The following DLG2 variants were observed in gnomAD, a reference collection of about 807,000 sequenced individuals.
The protein encoded by DLG2 is disks large homolog 2.
DLG2 carries 45 observed loss-of-function variants against 132.5 expected under a neutral mutation model. The ratio of observed to expected loss-of-function variants is 0.34; its 90% CI spans 0.27 to 0.44. The LOEUF is 0.44. DLG2 is among the 20% of genes least tolerant of loss of function. The pLI, the probability that DLG2 is intolerant of heterozygous loss-of-function variation, is 1.00. For synonymous variants in DLG2, 424 were observed against 419.6 expected (o/e 1.01, Z -0.13); for missense variants, 1,045 against 1,196.9 (o/e 0.87, Z 1.87).
At chr11:83,591,914 A>G (rs1319044141) in intron 19 of DLG2, among the ~76,000 whole-genome samples, 119 of 142,340 alleles carry the variant, frequency 8.4e-4, no homozygotes, top group African/African-American at 3.0e-3. Flanking sequence ...AGAATAAAAT[A>G]CCTAGGAATC....
chr11:83,941,640 G>C (rs367820717), intron 14 of DLG2, among the ~76,000 whole-genome samples: 1 of 151,898 alleles, frequency 6.6e-6, no homozygotes, highest in African/African-American at 2.4e-5. Context: ...GTGATCCGCC[G>C]GCCTCAGCCT....
At chr11:83,893,051 A>G (rs2070436105) in intron 15 of DLG2, among the ~76,000 whole-genome samples, 1 of 152,158 alleles carries the variant, frequency 6.6e-6, no homozygotes, top group South Asian at 2.1e-4. Context: ...GGCATTTTCA[A>G]TGATTTATTT....
At chr11:84,904,929 TG>T (rs2091334528) in intron 6 of DLG2, among the ~76,000 whole-genome samples, 1 of 152,298 alleles carries the variant, frequency 6.6e-6, no homozygotes, top group Admixed American at 6.5e-5. Context: ...CTGAATTTTT[TG>T]TTTTGTTTTT....
At chr11:84,625,231 T>G (rs1290717444) in intron 6 of DLG2, among the ~76,000 whole-genome samples, 6 of 152,090 alleles carry the variant, frequency 3.9e-5, no homozygotes, top group African/African-American at 1.4e-4. Flanking sequence ...AATTTCACAT[T>G]ACTCCCCCTG....
intron 6 of DLG2, among the ~76,000 whole-genome samples, chr11:85,044,014 A>C (rs2062091294): frequency 2.0e-5 from 3 of 151,992 alleles, no homozygotes; most frequent in Admixed American, 2.0e-4. Context: ...CAGGCATTCT[A>C]CTAGGAACTA....
At chr11:85,322,287 C>G (rs1316902543) in intron 3 of DLG2, among the ~76,000 whole-genome samples, 4 of 152,112 alleles carry the variant, frequency 2.6e-5, no homozygotes, top group African/African-American at 9.7e-5. Flanking sequence ...CTTGGTCCAT[C>G]ACTTCAGTCA....
chr11:85,410,309 C>G (rs2089197040), intron 3 of DLG2, among the ~76,000 whole-genome samples: 1 of 151,564 alleles, frequency 6.6e-6, no homozygotes, highest in African/African-American at 2.4e-5. Flanking sequence ...AAAATGTAAT[C>G]ACTGTGAAAC....
chr11:84,532,579 T>G (rs2099345449), intron 7 of DLG2, among the ~76,000 whole-genome samples: 1 of 152,072 alleles, frequency 6.6e-6, no homozygotes, highest in African/African-American at 2.4e-5. Flanking sequence ...TACTCCAGCC[T>G]CAACTTCCTG....
chr11:85,181,420 GT>G (rs1206478531), intron 4 of DLG2, among the ~76,000 whole-genome samples: 1 of 151,360 alleles, frequency 6.6e-6, no homozygotes, highest in Non-Finnish European at 1.5e-5. Context: ...TGGAGATGGA[GT>G]TTTTTTTAAG....
chr11:84,084,865 G>A (rs1299245260), intron 10 of DLG2, among the ~76,000 whole-genome samples: 2 of 152,072 alleles, frequency 1.3e-5, no homozygotes, highest in Admixed American at 1.3e-4. Flanking sequence ...TACTCTTGAT[G>A]TTTCCTCCTA....
chr11:85,281,021 G>A (rs1380474888), intron 4 of DLG2, among the ~76,000 whole-genome samples: 3 of 151,986 alleles, frequency 2.0e-5, no homozygotes, highest in Non-Finnish European at 4.4e-5. Context: ...GGGATGTGAA[G>A]GATCAGGGTG....
intron 6 of DLG2, among the ~76,000 whole-genome samples, chr11:85,012,679 A>G (rs1057301252): frequency 3.9e-4 from 60 of 152,330 alleles, no homozygotes; most frequent in African/African-American, 1.4e-3. Context: ...TTTTGGGGTT[A>G]CTGTTATGGA....
intron 3 of DLG2, among the ~76,000 whole-genome samples, chr11:85,389,555 C>T (rs542119801): frequency 6.6e-6 from 1 of 152,216 alleles, no homozygotes; most frequent in Admixed American, 6.5e-5. Context: ...GGCACACAGT[C>T]ATCAGGTTAT....
At chr11:84,624,280 C>T (rs2099618559) in intron 6 of DLG2, among the ~76,000 whole-genome samples, 1 of 152,042 alleles carries the variant, frequency 6.6e-6, no homozygotes, top group South Asian at 2.1e-4. Flanking sequence ...GCATTAGTAC[C>T]ATCATAATAC....
intron 6 of DLG2, among the ~76,000 whole-genome samples, chr11:84,552,543 C>T (rs1383361872): frequency 6.6e-6 from 1 of 152,148 alleles, no homozygotes; most frequent in East Asian, 1.9e-4. Context: ...TACACCTCAC[C>T]CCCAGACTGC....
chr11:84,338,870 A>C (rs1490753738), intron 7 of DLG2, among the ~76,000 whole-genome samples: 1 of 152,120 alleles, frequency 6.6e-6, no homozygotes, highest in African/African-American at 2.4e-5. Flanking sequence ...CACATATGAA[A>C]ATTAAATAAT....
chr11:84,503,973 T>C (rs1190035308), intron 7 of DLG2, among the ~76,000 whole-genome samples: 3 of 152,320 alleles, frequency 2.0e-5, no homozygotes, highest in Admixed American at 1.3e-4. Context: ...GAGTGTGACT[T>C]TGAAAATCTG....
intron 2 of DLG2, among the ~76,000 whole-genome samples, chr11:85,603,909 C>G (rs1435007564): frequency 6.6e-6 from 1 of 151,980 alleles, no homozygotes; most frequent in African/African-American, 2.4e-5. Flanking sequence ...AGAGTGAGAC[C>G]CTGTCTCTAA....
intron 3 of DLG2, among the ~76,000 whole-genome samples, chr11:85,451,918 T>G (rs896849811): frequency 1.3e-5 from 2 of 152,334 alleles, no homozygotes; most frequent in Admixed American, 1.3e-4. Flanking sequence ...TTAATTCCTT[T>G]TATATTCTAT....
Sources: gnomAD v4.1 joint callset for allele counts (sites outside exome capture counted in the v4.1 genomes callset) on GRCh38, gnomAD v4.1.1 for gene constraint, MANE v1.5 for transcripts, NCBI Gene and HGNC (gene_info 2026-07-23, HGNC 2026-07-21) for gene names.